The following PRKCB variants were observed in gnomAD, a reference collection of about 807,000 sequenced individuals.
PRKCB encodes the protein protein kinase C beta type.
Under a neutral mutation model 81.5 loss-of-function variants are expected in PRKCB, and 13 were observed. That is an observed-to-expected ratio of 0.16 (90% confidence interval 0.10 to 0.25). The LOEUF (loss-of-function observed/expected upper bound fraction) is 0.25, where lower values mean the gene tolerates loss of function less well. PRKCB is among the 10% of genes least tolerant of loss of function. The probability of loss-of-function intolerance (pLI) is 1.00; values close to 1 mark genes in which losing one functional copy is unlikely to be tolerated. For missense variants in PRKCB, 509 were observed against 875.7 expected, an observed-to-expected ratio of 0.58 and a Z score of 5.29; for synonymous variants, 335 against 321.4, an observed-to-expected ratio of 1.04 and a Z score of -0.45.
intron 12 of PRKCB, among the ~76,000 whole-genome samples, chr16:24,179,661 A>G (rs568800303): frequency 2.6e-4 from 40 of 152,224 alleles, no homozygotes; most frequent in Non-Finnish European, 5.4e-4. Flanking sequence ...ATAAAAGAGA[A>G]TACAGCACAT....
intron 16 of PRKCB, chr16:24,191,546 G>T: frequency 4.4e-6 from 1 of 229,400 alleles, no homozygotes. Context: ...ATCCATTTTT[G>T]GACTGTGATA....
intron 9 of PRKCB, 72 bp from the exon 10 acceptor site, chr16:24,154,612 T>G: frequency 1.3e-6 from 2 of 1,493,886 alleles, no homozygotes; most frequent in Non-Finnish European, 1.8e-6. Context: ...TGGCTACAAA[T>G]GAACACCAGC....
At chr16:23,879,481 CCTTTTTTTTTTTTTT>C (rs1567299977) in intron 2 of PRKCB, among the ~76,000 whole-genome samples, 4 of 110,904 alleles carry the variant, frequency 3.6e-5, no homozygotes, top group South Asian at 3.0e-4. Context: ...CTTTAGCTAT[CCTTTTTTTTTTTTTT>C]TTTTTTTTTT....
intron 2 of PRKCB, among the ~76,000 whole-genome samples, chr16:23,919,733 T>C (rs2141743859): frequency 6.6e-6 from 1 of 152,254 alleles, no homozygotes; most frequent in East Asian, 1.9e-4. Flanking sequence ...ATACTATAGG[T>C]ATCTCATATA....
chr16:24,156,282 CT>C (rs905695802), intron 10 of PRKCB, among the ~76,000 whole-genome samples: 12 of 148,670 alleles, frequency 8.1e-5, no homozygotes, highest in East Asian at 2.0e-4. Context: ...CTAAAGTTGG[CT>C]TTTTTTTTTC....
At chr16:24,082,870 T>C (rs1370008973) in intron 5 of PRKCB, among the ~76,000 whole-genome samples, 1 of 151,500 alleles carries the variant, frequency 6.6e-6, no homozygotes, top group Non-Finnish European at 1.5e-5. Context: ...TTTATTAAAG[T>C]TTAAAAACTT....
intron 7 of PRKCB, among the ~76,000 whole-genome samples, chr16:24,110,075 G>A (rs1966652436): frequency 7.0e-6 from 1 of 143,712 alleles, no homozygotes; most frequent in Non-Finnish European, 1.5e-5. Flanking sequence ...CAGCATGAGA[G>A]GGAGACCGTG....
At chr16:24,155,986 G>A (rs1006034860) in intron 10 of PRKCB, among the ~76,000 whole-genome samples, 4 of 152,188 alleles carry the variant, frequency 2.6e-5, no homozygotes, top group African/African-American at 7.2e-5. Flanking sequence ...ATCTGAAGTC[G>A]TATAATGGCT....
At chr16:24,141,253 G>A (rs1308945280) in intron 9 of PRKCB, among the ~76,000 whole-genome samples, 1 of 152,152 alleles carries the variant, frequency 6.6e-6, no homozygotes, top group East Asian at 1.9e-4. Context: ...GGAGTGCAGA[G>A]GTGAGATCTC....
In PRKCB at chr16:24,219,437, G is replaced by A. The variant is rs1968286069; in HGVS notation, c.*4621G>A. The A allele has an allele frequency of 2.0e-6, 2 of 985,972 alleles. No homozygotes were observed. The highest frequency in any genetic ancestry group is 1.2e-6 in the Non-Finnish European group (1 of 830,510). 61.1% of individuals were successfully genotyped at this position (985,972 alleles called of 1,614,324 possible). A position where few individuals can be genotyped will look rare whatever the true frequency, so the allele number is the denominator to read the frequency against. ...GACGGTGGTCAATTCCTTTCATTAA[G>A]CAGTGATCTGATTTCTCCACATGGC... is the stretch of plus-strand genomic sequence containing the variant. On this transcript the variant is annotated 3_prime_UTR_variant, in exon 17 of 17. Coordinates refer to ENST00000643927, the MANE Select transcript of PRKCB (RefSeq NM_002738.7).
chr16:23,905,712 T>C (rs1195574868), intron 2 of PRKCB, among the ~76,000 whole-genome samples: 14 of 152,216 alleles, frequency 9.2e-5, no homozygotes, highest in Admixed American at 9.2e-4. Context: ...CCTGGTAGAA[T>C]TCCCATCACC....
Position 24,217,762 on chromosome 16 carries a change from G to C in PRKCB, c.*2946G>C. The C allele has an allele frequency of 1.0e-6, 1 of 985,354 alleles. No homozygotes were observed. The highest frequency in any genetic ancestry group is 1.2e-6 in the Non-Finnish European group (1 of 829,930). The allele number at this position is 985,354 out of a possible 1,614,324, so 61.0% of individuals were successfully genotyped here. A position where few individuals can be genotyped will look rare whatever the true frequency, so the allele number is the denominator to read the frequency against. On this transcript the variant is annotated 3_prime_UTR_variant, in exon 17 of 17. Coordinates refer to ENST00000643927, the MANE Select transcript of PRKCB (RefSeq NM_002738.7). ...CGAAATAGGGTTGATGAGACCAGGG[G>C]AGACCTAAAAAAAAGGCAGCTTTGT... is the stretch of plus-strand genomic sequence containing the variant.
At chr16:23,939,203 A>C (rs1300602516) in intron 2 of PRKCB, among the ~76,000 whole-genome samples, 2 of 152,202 alleles carry the variant, frequency 1.3e-5, no homozygotes, top group Non-Finnish European at 2.9e-5. Flanking sequence ...TTATGTACTG[A>C]AAACTGTAAA....
At chr16:23,851,276 G>T (rs760091960) in intron 2 of PRKCB, among the ~76,000 whole-genome samples, 2 of 152,138 alleles carry the variant, frequency 1.3e-5, no homozygotes, top group Non-Finnish European at 2.9e-5. Flanking sequence ...TAAGATAAAG[G>T]TCTAATTGCA....
chr16:24,076,048 C>T (rs918199555), intron 5 of PRKCB, among the ~76,000 whole-genome samples: 5 of 152,130 alleles, frequency 3.3e-5, no homozygotes, highest in South Asian at 2.1e-4. Flanking sequence ...CCCACTAACT[C>T]GTCATTTACA....
intron 16 of PRKCB, among the ~76,000 whole-genome samples, chr16:24,193,111 C>T (rs1478721121): frequency 6.6e-6 from 1 of 151,952 alleles, no homozygotes; most frequent in African/African-American, 2.4e-5. Flanking sequence ...AGGAGTGTAC[C>T]ACCATGTCTG....
intron 2 of PRKCB, chr16:23,893,602 T>C (rs1963327655): frequency 6.6e-6 from 1 of 152,234 alleles, no homozygotes; most frequent in South Asian, 2.1e-4. Context: ...GTTAACATTT[T>C]TGTTATTCCA....
At chr16:24,211,235 A>G (rs1968133518) in intron 16 of PRKCB, among the ~76,000 whole-genome samples, 1 of 152,238 alleles carries the variant, frequency 6.6e-6, no homozygotes, top group Non-Finnish European at 1.5e-5. Flanking sequence ...TCTTTTAAAA[A>G]TTCAAGACTG....
intron 2 of PRKCB, among the ~76,000 whole-genome samples, chr16:23,940,019 C>T (rs1344789888): frequency 1.3e-5 from 2 of 151,958 alleles, no homozygotes; most frequent in African/African-American, 4.8e-5. Context: ...ACAAACAATC[C>T]AATTAAAAAA....
Sources: allele counts gnomAD v4.1 joint callset (sites outside exome capture counted in the v4.1 genomes callset), GRCh38; gene constraint gnomAD v4.1.1; transcripts MANE v1.5; gene names NCBI Gene and HGNC (gene_info 2026-07-23, HGNC 2026-07-21).